CACNA1I: variants seen among roughly 807,000 people sequenced by gnomAD.
CACNA1I encodes the protein voltage-dependent T-type calcium channel subunit alpha-1I.
In CACNA1I, 74 loss-of-function variants were observed where a neutral mutation model predicts 201.6. That is an observed-to-expected ratio of 0.37 (90% CI 0.30 to 0.45). The LOEUF (loss-of-function observed/expected upper bound fraction) is 0.45. Among genes scored for constraint, CACNA1I ranks in the 20% least tolerant of loss-of-function variants. The pLI is 1.00. For synonymous variants in CACNA1I, 1,431 were observed against 1,345.2 expected, an observed-to-expected ratio of 1.06 and a Z score of -1.40; for missense variants, 2,346 against 3,138.1, an observed-to-expected ratio of 0.75 and a Z score of 6.03.
chr22:39,591,031 T>G (rs1932815095), intron 1 of CACNA1I, among the ~76,000 whole-genome samples: 1 of 151,876 alleles, frequency 6.6e-6, no homozygotes, highest in African/African-American at 2.4e-5. Flanking sequence ...TTTTTTTTTT[T>G]TTGCAGATAT....
Position 39,670,967 on chromosome 22 carries a change from C to T in CACNA1I, c.4539+13C>T, listed in dbSNP as rs1207332912. The stretch of plus-strand genomic sequence containing the variant: ...CAATCAGCCCACGGTGAGCCCTGGT[C>T]TGCCTCCCAGCCCAAGGTTACAAGG... On this transcript the variant is annotated intron_variant, in intron 26 of 36. Transcript: ENST00000402142. 6.2e-7 allele frequency: 1 copy of T among 1,613,142 alleles called. No homozygotes were observed. The highest frequency in any genetic ancestry group is 2.2e-5 in the East Asian group (1 of 44,866).
chr22:39,570,824 G>A lies in CACNA1I; in HGVS notation c.72G>A (p.Glu24=). The A allele has an allele frequency of 1.9e-6, 3 of 1,613,468 alleles. No individual in the cohort carries two copies. The highest frequency in any genetic ancestry group is 2.5e-6 in the Non-Finnish European group (3 of 1,179,784). Residue 24 remains glutamate (E), a synonymous_variant, in exon 1 of 37, where the codon GAG becomes GAA. Transcript: ENST00000402142. ...APAAEPGVTT[E]QPGPRSPPSS... ...CCGCTGAGCCAGGAGTCACCACGGA[G>A]CAGCCCGGACCCCGGAGCCCCCCAT...
chr22:39,618,242 G>A (rs547646984), intron 3 of CACNA1I, among the ~76,000 whole-genome samples: 3 of 62,434 alleles, frequency 4.8e-5, no homozygotes, highest in Non-Finnish European at 1.0e-4. Context: ...CAGGTGTGTG[G>A]TTGTGTGCCT....
At chr22:39,680,804 T>C (rs139983099) in intron 33 of CACNA1I, 126 bp from the exon 34 acceptor site, 2 of 994,784 alleles carry the variant, frequency 2.0e-6, no homozygotes, top group East Asian at 5.6e-5. Flanking sequence ...GTCCAGCAGG[T>C]GTCTGGACCT....
intron 5 of CACNA1I, among the ~76,000 whole-genome samples, chr22:39,635,337 G>GA (rs1934182003): frequency 6.6e-6 from 1 of 150,642 alleles, no homozygotes; most frequent in African/African-American, 2.5e-5. Flanking sequence ...GGATGCGGCA[G>GA]AAGGGGGGGG....
intron 1 of CACNA1I, among the ~76,000 whole-genome samples, chr22:39,581,213 G>GGAGAAGTGGGGAGGCA (rs1343135082): frequency 6.6e-6 from 1 of 152,306 alleles, no homozygotes; most frequent in Non-Finnish European, 1.5e-5. Flanking sequence ...GAGCGGGAGG[G>GGAGAAGTGGGGAGGCA]GAGAAGTGGG....
rs1170905402 is a variant in CACNA1I, at chr22:39,684,724, TG to T, written c.6027+230del. Reference sequence around the variant, plus strand: ...GCTGGGTCCTGGGGACAGCAGAGTGTGGGGAGGACCCCAAGGCGGGTCTGGA... The same window carrying T: ...GCTGGGTCCTGGGGACAGCAGAGTGTGGGAGGACCCCAAGGCGGGTCTGGA... On this transcript the variant is annotated intron_variant, in intron 36 of 36. Coordinates refer to ENST00000402142, the MANE Select transcript of CACNA1I (RefSeq NM_021096.4). This position sits in a 1 kb window ranked among gnomAD's most constrained non-coding sequence, Gnocchi z 4.6. The T allele has an allele frequency of 1.2e-5, 7 of 606,050 alleles. No homozygotes were observed. The highest frequency in any genetic ancestry group is 1.1e-4 in the African/African-American group (6 of 53,372). 37.5% of individuals were successfully genotyped at this position (606,050 alleles called of 1,614,324 possible).
At chr22:39,667,819 C>T (rs925754444) in intron 23 of CACNA1I, among the ~76,000 whole-genome samples, 4 of 152,150 alleles carry the variant, frequency 2.6e-5, no homozygotes, top group Non-Finnish European at 4.4e-5. Context: ...GGGCTCTGAC[C>T]CAGGGCTCCT....
At chr22:39,671,436 C>T (rs915415843) in intron 26 of CACNA1I, among the ~76,000 whole-genome samples, 25 of 152,156 alleles carry the variant, frequency 1.6e-4, no homozygotes, top group African/African-American at 5.1e-4. Context: ...CATTCAAAGC[C>T]TACCATGTAG....
rs1184718138 is a variant in CACNA1I at position 39,648,187 on chromosome 22, A to G, written c.1567+261A>G. Reference sequence around the variant, plus strand: ...GTCTGGGAATCGATTCTTGGGAGGCAAGCAGAAGAATGCACGCTCAGAGCT... The same window carrying G: ...GTCTGGGAATCGATTCTTGGGAGGCGAGCAGAAGAATGCACGCTCAGAGCT... On this transcript the variant is annotated intron_variant, in intron 9 of 36. Transcript: ENST00000402142. This position sits in a 1 kb window ranked among gnomAD's most constrained non-coding sequence, Gnocchi z 5.4. Among the ~76,000 whole-genome samples the G allele has an allele frequency of 6.6e-6, 1 of 152,004 alleles. No individual in the cohort carries two copies. The highest frequency in any genetic ancestry group is 1.5e-5 in the Non-Finnish European group (1 of 67,984).
chr22:39,672,740 C>T (rs1052709841), intron 27 of CACNA1I, among the ~76,000 whole-genome samples: 1 of 152,142 alleles, frequency 6.6e-6, no homozygotes, highest in Non-Finnish European at 1.5e-5. Flanking sequence ...CCTGATCAGC[C>T]CCTTGCTTGA....
At position 39,647,822 on chromosome 22, in the gene CACNA1I, A is replaced by C; in HGVS notation, c.1463A>C (p.His488Pro). The C allele has an allele frequency of 6.3e-7, 1 of 1,590,438 alleles. No homozygotes were observed. The highest frequency in any genetic ancestry group is 8.6e-7 in the Non-Finnish European group (1 of 1,158,734). ...TAGTAATATTATCTCCACTTTTCAG[A>C]TGGGAAGACTAAGGGTCAGGGAGAT... ...GPHAKEPRHY[H>P]GKTKGQGDEG... Residue 488 changes from histidine to proline, a missense_variant and splice_region_variant, in exon 9 of 37, where the codon CAT (histidine) becomes CCT (proline). By Grantham distance (77) the His-to-Pro change is moderately conservative. This residue lies in a region of CACNA1I where 312 missense variants were observed against 331.5 expected (regional missense o/e 0.94). Coordinates refer to ENST00000402142, the MANE Select transcript of CACNA1I (RefSeq NM_021096.4).
intron 3 of CACNA1I, among the ~76,000 whole-genome samples, chr22:39,601,725 C>T (rs1933037057): frequency 6.6e-6 from 1 of 151,782 alleles, no homozygotes; most frequent in Non-Finnish European, 1.5e-5. Context: ...CAGGTATCTG[C>T]TAAATTCCAC....
rs1016677138 is a variant in CACNA1I, at chr22:39,649,238, G to T, written c.1568-263G>T. On this transcript the variant is annotated intron_variant, in intron 9 of 36. Coordinates refer to ENST00000402142, the MANE Select transcript of CACNA1I (RefSeq NM_021096.4). This position sits in a 1 kb window ranked among gnomAD's most constrained non-coding sequence, Gnocchi z 7.3. ...CGGATGCGCGCCCTGCACCGTGCTG[G>T]GCCCATCATGTGCCTTAAGGGAGAG... Among the ~76,000 whole-genome samples, 1 of 152,180 alleles carries T rather than the reference G, an allele frequency of 6.6e-6. No individual in the cohort carries two copies. Among genetic ancestry groups the T allele is most frequent in the African/African-American group, 2.4e-5 (1 of 41,446 alleles).
In CACNA1I at chr22:39,678,157, G is replaced by A. The variant is rs1431819645; in HGVS notation, c.5055+49G>A. On this transcript the variant is annotated intron_variant, in intron 31 of 36. Coordinates refer to ENST00000402142, the MANE Select transcript of CACNA1I (RefSeq NM_021096.4). ...GAGAAATCAGCCAGGTGCTGGGACA[G>A]TGAGGATGCTGGTCCTGCTGCTCAG... The A allele has an allele frequency of 3.1e-6, 5 of 1,587,344 alleles. No homozygotes were observed. The African/African-American group carries it at 4.0e-5, about 13-fold the overall frequency.
In CACNA1I at chr22:39,686,455, T is replaced by C; in HGVS notation, c.*50T>C. The C allele has an allele frequency of 8.6e-7, 1 of 1,168,396 alleles. No individual in the cohort carries two copies. Among genetic ancestry groups the C allele is most frequent in the Non-Finnish European group, 1.1e-6 (1 of 931,116 alleles). 72.4% of individuals were successfully genotyped at this position (1,168,396 alleles called of 1,614,324 possible). A position where few individuals can be genotyped will look rare whatever the true frequency, so the allele number is the denominator to read the frequency against. On this transcript the variant is annotated 3_prime_UTR_variant, in exon 37 of 37. Coordinates refer to ENST00000402142, the MANE Select transcript of CACNA1I (RefSeq NM_021096.4). ...CACCGCCCGCCCCGTCTCACCTTCTTTACCTCAGGAGCCAGGAGCAGACAG... is the reference window on the plus strand; with the variant it reads ...CACCGCCCGCCCCGTCTCACCTTCTCTACCTCAGGAGCCAGGAGCAGACAG...
At chr22:39,631,848 TC>T (rs1187883075) in intron 4 of CACNA1I, among the ~76,000 whole-genome samples, 4 of 151,950 alleles carry the variant, frequency 2.6e-5, no homozygotes, top group Non-Finnish European at 5.9e-5. Flanking sequence ...TCTCTTGGGG[TC>T]CTCCCTGAAT....
chr22:39,642,829 G>A lies in CACNA1I; in HGVS notation c.1089G>A (p.Met363Ile), dbSNP rs1719049855. Reference sequence around the variant, plus strand: ...CTCTGGAAGGCTGGGTGGAGATCATGTACTACGTGATGGATGCTCACTCCT... The same window carrying A: ...CTCTGGAAGGCTGGGTGGAGATCATATACTACGTGATGGATGCTCACTCCT... ...VITLEGWVEI[M>I]YYVMDAHSFY... The change falls in exon 7 of 37, where the codon ATG becomes ATA. Residue 363 changes from methionine (M) to isoleucine (I), a missense_variant. Transcript: ENST00000402142. 6.2e-7 allele frequency: 1 copy of A among 1,611,856 alleles called. No individual in the cohort carries two copies. Among genetic ancestry groups the A allele is most frequent in the Non-Finnish European group, 8.5e-7 (1 of 1,178,948 alleles).
intron 1 of CACNA1I, among the ~76,000 whole-genome samples, chr22:39,579,709 C>T (rs569705296): frequency 2.0e-5 from 3 of 151,646 alleles, no homozygotes; most frequent in South Asian, 2.1e-4. Context: ...TGCCATGGCG[C>T]GATCTCTGCT....
Sources: gnomAD v4.1 joint callset for allele counts (sites outside exome capture counted in the v4.1 genomes callset) on GRCh38, gnomAD v4.1.1 for gene constraint, gnomAD v4.1.1 regional missense constraint, Gnocchi (gnomAD v3.1) non-coding constraint, MANE v1.5 for transcripts, NCBI Gene and HGNC (gene_info 2026-07-23, HGNC 2026-07-21) for gene names.